The following PARVB variants were observed in gnomAD, a reference collection of about 807,000 sequenced individuals.
PARVB encodes beta-parvin.
In PARVB, 46 loss-of-function variants were observed where a neutral mutation model predicts 47.0. The observed-to-expected ratio is 0.98, with a 90% CI of 0.77 to 1.25. The LOEUF (loss-of-function observed/expected upper bound fraction) is 1.25. Ranked by LOEUF, PARVB falls within the 50% of genes most tolerant of loss-of-function variation. PARVB has a pLI of 0.00. For synonymous variants in PARVB, 196 were observed against 196.3 expected, an observed-to-expected ratio of 1.00 and a Z score of 0.01; for missense variants, 473 against 471.6, an observed-to-expected ratio of 1.00 and a Z score of -0.03.
chr22:44,126,509 G>T (rs2053189041), intron 4 of PARVB, among the ~76,000 whole-genome samples: 1 of 152,156 alleles, frequency 6.6e-6, no homozygotes, highest in Admixed American at 6.5e-5. Context: ...GGAGCACGTG[G>T]ACCTTTGGCT....
At chr22:44,151,298 A>G in intron 9 of PARVB, 185 bp from the exon 10 acceptor site, 1 of 566,150 alleles carries the variant, frequency 1.8e-6, no homozygotes. Context: ...TGTGGGCATT[A>G]TGCCATGAAA....
intron 2 of PARVB, among the ~76,000 whole-genome samples, chr22:44,006,289 C>T (rs62226380): frequency 0.25 from 37,312 of 148,066 alleles, 5,028 homozygotes; most frequent in African/African-American, 0.36. Flanking sequence ...TAGCATCTTA[C>T]GCCACTCCAA....
rs1395296228 is a variant in PARVB, at chr22:44,049,081, G to A, written c.112+24630G>A. On this transcript the variant is annotated intron_variant, in intron 1 of 12. Transcript: ENST00000338758. This position sits in a 1 kb window ranked among gnomAD's most constrained non-coding sequence, Gnocchi z 4.0. ...TCCGGGCTGCAGGTCCAGGCTTTCC[G>A]GCTCCAGGGCTGGTGCCCTCTGTCC... Among the ~76,000 whole-genome samples the A allele has an allele frequency of 2.6e-5, 4 of 152,244 alleles. No homozygotes were observed. The highest frequency in any genetic ancestry group is 6.5e-5 in the Admixed American group (1 of 15,292).
At chr22:44,123,363 G>A (rs2053113742) in intron 4 of PARVB, among the ~76,000 whole-genome samples, 1 of 152,100 alleles carries the variant, frequency 6.6e-6, no homozygotes, top group East Asian at 1.9e-4. Context: ...TGCCTTTGAG[G>A]TACATAATTT....
At chr22:44,047,595 A>C (rs1055011563) in intron 1 of PARVB, among the ~76,000 whole-genome samples, 1 of 152,132 alleles carries the variant, frequency 6.6e-6, no homozygotes, top group Middle Eastern at 3.2e-3. Context: ...CAGGAGGCGG[A>C]GTTTGCAGTG....
chr22:44,107,875 GTTC>G (rs2052602896), intron 3 of PARVB: 3 of 151,676 alleles, frequency 2.0e-5, no homozygotes, highest in South Asian at 4.2e-4. Flanking sequence ...CTGTCCCTGA[GTTC>G]TTTTTTTTTT....
chr22:44,157,246 T>C (rs74945092), intron 10 of PARVB, among the ~76,000 whole-genome samples: 2 of 152,264 alleles, frequency 1.3e-5, no homozygotes, highest in African/African-American at 4.8e-5. Context: ...GAATGAATCC[T>C]TCCAGCAGCT....
intron 2 of PARVB, among the ~76,000 whole-genome samples, chr22:44,016,238 A>G (rs1466293142): frequency 1.3e-5 from 2 of 151,840 alleles, no homozygotes; most frequent in Admixed American, 1.3e-4. Context: ...CTGGGACTAC[A>G]GGCACCTGCC....
At chr22:44,053,869 G>A (rs547973525) in intron 1 of PARVB, among the ~76,000 whole-genome samples, 1 of 152,298 alleles carries the variant, frequency 6.6e-6, no homozygotes, top group African/African-American at 2.4e-5. Context: ...TAGGGAAAGG[G>A]GTGCAGAGCT....
At chr22:44,043,087 T>C (rs2051049008) in intron 1 of PARVB, among the ~76,000 whole-genome samples, 1 of 152,138 alleles carries the variant, frequency 6.6e-6, no homozygotes. Flanking sequence ...AGGAATGACA[T>C]ATGGATCCAT....
At chr22:44,116,483 A>G (rs1235259373) in intron 3 of PARVB, among the ~76,000 whole-genome samples, 1 of 152,226 alleles carries the variant, frequency 6.6e-6, no homozygotes, top group Non-Finnish European at 1.5e-5. Flanking sequence ...CTCAAGGCAG[A>G]GGCCTCGTCT....
In PARVB at chr22:44,163,929, A is replaced by G. The variant is rs1319445458; in HGVS notation, c.1017A>G (p.Glu339=). 6.2e-7 allele frequency: 1 copy of G among 1,608,374 alleles called. No individual in the cohort carries two copies. The highest frequency in any genetic ancestry group is 8.5e-7 in the Non-Finnish European group (1 of 1,177,152). The change falls in exon 12 of 13, where the codon GAA becomes GAG. Residue 339 remains glutamate (E), a splice_region_variant and synonymous_variant. Coordinates refer to ENST00000338758, the MANE Select transcript of PARVB (RefSeq NM_013327.5). ...GGLKKPKARP[E]DVVNLDLKST... Reference sequence around the variant, plus strand: ...TCAAGAAACCCAAGGCTCGTCCTGAAGGTAATGCCCCTGGCTCAGGTTCCC... The same window carrying G: ...TCAAGAAACCCAAGGCTCGTCCTGAGGGTAATGCCCCTGGCTCAGGTTCCC...
intron 1 of PARVB, among the ~76,000 whole-genome samples, chr22:44,046,138 A>G (rs1391824571): frequency 1.3e-5 from 2 of 152,228 alleles, no homozygotes; most frequent in Non-Finnish European, 2.9e-5. Flanking sequence ...CTCTCCAGGC[A>G]GATTTATCCC....
chr22:44,099,480 A>G (rs539545770), intron 2 of PARVB, among the ~76,000 whole-genome samples: 1 of 152,014 alleles, frequency 6.6e-6, no homozygotes, highest in African/African-American at 2.4e-5. Flanking sequence ...AGAAATAGAA[A>G]GAGGGTGAGG....
intron 1 of PARVB, among the ~76,000 whole-genome samples, chr22:44,079,694 G>A (rs940161191): frequency 2.6e-5 from 4 of 152,176 alleles, no homozygotes; most frequent in African/African-American, 4.8e-5. Flanking sequence ...TTGGGAGGCC[G>A]AGGTGGGTGG....
At position 44,168,570 on chromosome 22, in the gene PARVB, C is replaced by T. The variant is rs368814317; in HGVS notation, c.1019-32C>T. The stretch of plus-strand genomic sequence containing the variant: ...CTACCGCAATGACAGGAGGATGGCA[C>T]GCCTCTGAAGTTTCTCTGTTTCCTT... On this transcript the variant is annotated intron_variant, in intron 12 of 12. Coordinates refer to ENST00000338758, the MANE Select transcript of PARVB (RefSeq NM_013327.5). 104 of 1,484,978 alleles carry T rather than the reference C, an allele frequency of 7.0e-5. No individual in the cohort carries two copies. The African/African-American group carries it at 1.0e-3, about 14-fold the overall frequency. The allele number at this position is 1,484,978 out of a possible 1,614,324, so 92.0% of individuals were successfully genotyped here. A position where few individuals can be genotyped will look rare whatever the true frequency, so the allele number is the denominator to read the frequency against.
chr22:44,140,440 G>C (rs2053528873), intron 8 of PARVB: 3 of 700,056 alleles, frequency 4.3e-6, no homozygotes, highest in African/African-American at 3.5e-5. Flanking sequence ...AACTGTCAGG[G>C]GCTGGAGCAA....
At chr22:44,159,068 AGAGAGAGC>A (rs1330707630) in intron 11 of PARVB, among the ~76,000 whole-genome samples, 5 of 152,096 alleles carry the variant, frequency 3.3e-5, no homozygotes, top group Admixed American at 3.3e-4. Context: ...GAATCGAGAG[AGAGAGAGC>A]GAGCGAGCGA....
chr22:44,012,958 G>A (rs912040518), intron 2 of PARVB, among the ~76,000 whole-genome samples: 1 of 151,514 alleles, frequency 6.6e-6, no homozygotes, highest in Non-Finnish European at 1.5e-5. Context: ...GTGCAGTTGC[G>A]CGATGTCAGC....
Sources: allele counts gnomAD v4.1 joint callset (sites outside exome capture counted in the v4.1 genomes callset), GRCh38; gene constraint gnomAD v4.1.1; non-coding constraint Gnocchi (gnomAD v3.1); transcripts MANE v1.5; gene names NCBI Gene and HGNC (gene_info 2026-07-23, HGNC 2026-07-21).